ITPR2: variants seen among roughly 807,000 people sequenced by gnomAD.
ITPR2 encodes inositol 1,4,5-trisphosphate receptor type 2.
ITPR2 carries 207 observed loss-of-function variants against 317.1 expected under a neutral mutation model. The ratio of observed to expected loss-of-function variants is 0.65; its 90% confidence interval spans 0.58 to 0.73. ITPR2 has a LOEUF of 0.73. Among genes scored for constraint, ITPR2 ranks in the 30% least tolerant of loss-of-function variants. The pLI, the probability that ITPR2 is intolerant of heterozygous loss-of-function variation, is 0.00. For missense variants in ITPR2, 2,613 were observed against 3,284.0 expected (o/e 0.80, Z 4.99); for synonymous variants, 1,156 against 1,149.1 (o/e 1.01, Z -0.12).
chr12:26,481,236 A>T lies in ITPR2; in HGVS notation c.6018T>A (p.Cys2006Ter). Residue 2006 changes from cysteine to a stop codon, truncating the protein, a stop_gained, in exon 43 of 57, where the codon TGT (cysteine) becomes TGA (stop). Transcript: ENST00000381340. LOFTEE classifies it high-confidence loss of function. ...CQGPCHENQT[C>*]IATHESNGID... The stretch of plus-strand genomic sequence containing the variant: ...TCCCATTAGACTCATGTGTAGCGAT[A>T]CAGGTCTAGAAAACAAAATATTTGT... 1 of 1,587,992 alleles carries T rather than the reference A, an allele frequency of 6.3e-7. No individual in the cohort carries two copies. The highest frequency in any genetic ancestry group is 8.6e-7 in the Non-Finnish European group (1 of 1,156,872).
In ITPR2 at chr12:26,831,964, C is replaced by T. The variant is rs182246324; in HGVS notation, c.92+726G>A. Among the ~76,000 whole-genome samples the T allele has an allele frequency of 1.2e-4, 18 of 151,268 alleles. No individual in the cohort carries two copies. Among genetic ancestry groups the T allele is most frequent in the Admixed American group, 9.9e-4 (15 of 15,138 alleles). ...CCCCATTCAACTCGAATCTCAAGAA[C>T]TCTTCACTTGGCTAAATTCCAAGAG... is the stretch of plus-strand genomic sequence containing the variant. On this transcript the variant is annotated intron_variant, in intron 1 of 56. Transcript: ENST00000381340. The surrounding 1 kb of genome is among the most constrained non-coding windows in gnomAD (Gnocchi z 4.9).
At chr12:26,632,767 G>A (rs910823712) in intron 21 of ITPR2, among the ~76,000 whole-genome samples, 21 of 152,142 alleles carry the variant, frequency 1.4e-4, no homozygotes, top group Non-Finnish European at 2.8e-4. Context: ...GAGGGATCAC[G>A]CTCTTTCCGT....
chr12:26,690,983 T>C (rs1443417403), intron 10 of ITPR2, among the ~76,000 whole-genome samples: 1 of 152,232 alleles, frequency 6.6e-6, no homozygotes, highest in African/African-American at 2.4e-5. Context: ...ATATAACAAT[T>C]GCTTATGTGT....
At chr12:26,344,849 TTAAGTGCAAAAGCTACACAGTCCTG>T (rs1938251352) in intron 55 of ITPR2, among the ~76,000 whole-genome samples, 1 of 152,230 alleles carries the variant, frequency 6.6e-6, no homozygotes, top group Admixed American at 6.5e-5. Context: ...GAAGCTGTGC[TTAAGTGCAAAAGCTACACAGTCCTG>T]TCATCTTTTC....
chr12:26,371,638 G>C (rs945282674), intron 55 of ITPR2, among the ~76,000 whole-genome samples: 2 of 152,204 alleles, frequency 1.3e-5, no homozygotes, highest in Admixed American at 6.5e-5. Context: ...CAGAAGCCAA[G>C]GTTGGCAGAA....
intron 2 of ITPR2, among the ~76,000 whole-genome samples, chr12:26,774,100 T>A (rs1315965463): frequency 1.3e-5 from 2 of 149,614 alleles, no homozygotes; most frequent in East Asian, 2.0e-4. Context: ...ACTAAAAACA[T>A]CTTCACTTAA....
intron 14 of ITPR2, among the ~76,000 whole-genome samples, chr12:26,665,109 C>T (rs1048273190): frequency 2.6e-5 from 4 of 152,180 alleles, no homozygotes; most frequent in African/African-American, 7.2e-5. Context: ...AATTTACTGA[C>T]GTGTTATGAA....
At chr12:26,830,739 C>G (rs112115351) in intron 1 of ITPR2, among the ~76,000 whole-genome samples, 2 of 152,216 alleles carry the variant, frequency 1.3e-5, no homozygotes, top group Non-Finnish European at 2.9e-5. Context: ...AGGTTTTATA[C>G]TCTATTCCTA....
rs931035978 is a variant in ITPR2 at position 26,552,802 on chromosome 12, A to C, written c.4965-2447T>G. Among the ~76,000 whole-genome samples, 3 of 152,136 alleles carry C rather than the reference A, an allele frequency of 2.0e-5. No individual in the cohort carries two copies. The East Asian group carries it at 5.8e-4, about 29-fold the overall frequency. On this transcript the variant is annotated intron_variant, in intron 36 of 56. Transcript: ENST00000381340. The stretch of plus-strand genomic sequence containing the variant: ...GAAAATCGTTTCGGTGGACATGATA[A>C]ATTTCTTTTGATTTTGTTTTTCGCT...
intron 54 of ITPR2, among the ~76,000 whole-genome samples, chr12:26,393,524 T>C (rs890727502): frequency 1.3e-5 from 2 of 152,234 alleles, no homozygotes; most frequent in Non-Finnish European, 2.9e-5. Flanking sequence ...TTACAGAAAG[T>C]AGCAGCAAAA....
rs141060362 is a variant in ITPR2 at position 26,489,906 on chromosome 12, G to A, written c.5371-2655C>T. Among the ~76,000 whole-genome samples the A allele has an allele frequency of 2.0e-5, 3 of 152,142 alleles. No individual in the cohort carries two copies. In the East Asian group the frequency reaches 5.8e-4, roughly 29 times the overall value. ...CCCCATGGAACTGGCAAGTGTCTTG[G>A]GGAGGAGTGCGCTTTAGACTGCTAT... On this transcript the variant is annotated intron_variant, in intron 39 of 56. Coordinates refer to ENST00000381340, the MANE Select transcript of ITPR2 (RefSeq NM_002223.4).
At chr12:26,521,232 C>A (rs1943654374) in intron 37 of ITPR2, among the ~76,000 whole-genome samples, 4 of 152,140 alleles carry the variant, frequency 2.6e-5, no homozygotes, top group Admixed American at 2.6e-4. Context: ...GAAAAGTTCA[C>A]ACACTCTTAA....
Position 26,790,209 on chromosome 12 carries a change from A to G in ITPR2, c.111T>C (p.Cys37=). ...ISTLGLVDDR[C]VVHPEAGDLA... Reference sequence around the variant, plus strand: ...GGTCCCCGGCCTCTGGGTGCACCACACATCTGTCATCCACTAACCTAGAAG... The same window carrying G: ...GGTCCCCGGCCTCTGGGTGCACCACGCATCTGTCATCCACTAACCTAGAAG... The change falls in exon 2 of 57, where the codon TGT becomes TGC. Residue 37 remains cysteine (C), a synonymous_variant. Coordinates refer to ENST00000381340, the MANE Select transcript of ITPR2 (RefSeq NM_002223.4). The G allele has an allele frequency of 6.2e-7, 1 of 1,613,794 alleles. No individual in the cohort carries two copies. The highest frequency in any genetic ancestry group is 1.1e-5 in the South Asian group (1 of 91,080).
intron 53 of ITPR2, 62 bp downstream of exon 53, chr12:26,400,066 C>A: frequency 6.6e-7 from 1 of 1,507,088 alleles, no homozygotes; most frequent in Non-Finnish European, 8.9e-7. Context: ...ATTATAAATG[C>A]TGTGAAGAAA....
chr12:26,752,274 C>A (rs1192180255), intron 2 of ITPR2, among the ~76,000 whole-genome samples: 2 of 152,210 alleles, frequency 1.3e-5, no homozygotes, highest in Non-Finnish European at 2.9e-5. Context: ...GCAACTCCAT[C>A]TTGAAAAGGA....
chr12:26,798,548 C>T (rs1168352946), intron 1 of ITPR2, among the ~76,000 whole-genome samples: 1 of 152,188 alleles, frequency 6.6e-6, no homozygotes, highest in Non-Finnish European at 1.5e-5. Context: ...AGTCTTAGAA[C>T]ACATTATTTT....
chr12:26,764,464 C>G (rs992751067), intron 2 of ITPR2, among the ~76,000 whole-genome samples: 2 of 152,020 alleles, frequency 1.3e-5, no homozygotes, highest in African/African-American at 4.8e-5. Flanking sequence ...CTGATAAAGG[C>G]TATGTCTTTG....
In ITPR2 at chr12:26,723,868, C is replaced by T. The variant is rs748658; in HGVS notation, c.366+788G>A. On this transcript the variant is annotated intron_variant, in intron 4 of 56. Transcript: ENST00000381340. Reference sequence around the variant, plus strand: ...CCTGGGAACAGTTGTGCTTCTAGACCTCTGATTTGGCTCTGTGCTGCGGAT... The same window carrying T: ...CCTGGGAACAGTTGTGCTTCTAGACTTCTGATTTGGCTCTGTGCTGCGGAT... Among the ~76,000 whole-genome samples, 4 of 152,126 alleles carry T rather than the reference C, an allele frequency of 2.6e-5. No individual in the cohort carries two copies. The East Asian group carries it at 7.7e-4, about 29-fold the overall frequency.
At chr12:26,752,017 A>G (rs1949432441) in intron 2 of ITPR2, among the ~76,000 whole-genome samples, 1 of 152,206 alleles carries the variant, frequency 6.6e-6, no homozygotes, top group African/African-American at 2.4e-5. Context: ...ATACAAAATT[A>G]ACAATTAATT....
Sources: allele counts gnomAD v4.1 joint callset (sites outside exome capture counted in the v4.1 genomes callset), GRCh38; gene constraint gnomAD v4.1.1; non-coding constraint Gnocchi (gnomAD v3.1); transcripts MANE v1.5; gene names NCBI Gene and HGNC (gene_info 2026-07-23, HGNC 2026-07-21).